Variants in ITGA7 observed in about 807,000 individuals in gnomAD.
ITGA7 encodes integrin subunit alpha 7.
ITGA7 carries 84 observed loss-of-function variants against 131.6 expected under a neutral mutation model. The observed-to-expected ratio is 0.64, with a 90% CI of 0.54 to 0.77. ITGA7 has a LOEUF of 0.77. ITGA7 is among the 30% of genes least tolerant of loss of function. The probability of loss-of-function intolerance (pLI) is 0.00; values close to 1 mark genes in which losing one functional copy is unlikely to be tolerated. For missense variants in ITGA7, 1,399 were observed against 1,482.9 expected, an observed-to-expected ratio of 0.94 and a Z score of 0.93; for synonymous variants, 548 against 600.7, an observed-to-expected ratio of 0.91 and a Z score of 1.28.
At chr12:55,715,481 C>G (rs974697691), upstream of ITGA7, among the ~76,000 whole-genome samples, 2 of 152,222 alleles carry the variant, frequency 1.3e-5, no homozygotes, top group South Asian at 2.1e-4. Context: ...ACAGCACTTA[C>G]GCTTCTGCTA....
chr12:55,695,199 C>T, intron 14 of ITGA7: 1 of 603,666 alleles, frequency 1.7e-6, no homozygotes, highest in South Asian at 2.0e-5. Context: ...GTAACTTAAC[C>T]TCTCTAGGCT....
chr12:55,700,531 T>A, intron 4 of ITGA7: 2 of 1,030,146 alleles, frequency 1.9e-6, no homozygotes, highest in Non-Finnish European at 2.8e-6. Context: ...CAACCCAGGC[T>A]TCCTGGGGTC....
upstream of ITGA7, among the ~76,000 whole-genome samples, chr12:55,710,366 GA>G (rs374869765): frequency 8.5e-4 from 117 of 138,178 alleles, 1 homozygote; most frequent in African/African-American, 3.0e-3. Flanking sequence ...CAGAAAAAAA[GA>G]AAAAAAAAAG....
chr12:55,693,981 G>A (rs1451627773), intron 19 of ITGA7, 40 bp downstream of exon 19: 7 of 1,502,160 alleles, frequency 4.7e-6, no homozygotes, highest in South Asian at 1.2e-5. Context: ...GTGCCAAGGA[G>A]GGAGGGTGAC....
chr12:55,715,516 G>A (rs1876448882), upstream of ITGA7, among the ~76,000 whole-genome samples: 1 of 152,176 alleles, frequency 6.6e-6, no homozygotes, highest in Non-Finnish European at 1.5e-5. Flanking sequence ...TCGCATTCCT[G>A]ACCACAAAAG....
At chr12:55,695,080 AC>A in intron 14 of ITGA7, 110 bp from the exon 15 acceptor site, 1 of 1,080,388 alleles carries the variant, frequency 9.3e-7, no homozygotes, top group East Asian at 2.6e-5. Flanking sequence ...CTCTCTTCCC[AC>A]CCCAGGTCCC....
chr12:55,691,944 G>A (rs771799057), intron 21 of ITGA7, among the ~76,000 whole-genome samples: 2 of 151,964 alleles, frequency 1.3e-5, no homozygotes, highest in Non-Finnish European at 2.9e-5. Flanking sequence ...TTCTCACTGC[G>A]AGCCCCATCC....
chr12:55,694,345 G>A lies in ITGA7; in HGVS notation c.2358-15C>T, dbSNP rs1872144060. The A allele has an allele frequency of 1.2e-6, 2 of 1,613,690 alleles. No homozygotes were observed. The highest frequency in any genetic ancestry group is 1.1e-5 in the South Asian group (1 of 91,084). Reference sequence around the variant, plus strand: ...GCTCACTGATCCTGGTGAGTGGGCAGGGGCAAGTATGGGCATCAGGCACAG... The same window carrying A: ...GCTCACTGATCCTGGTGAGTGGGCAAGGGCAAGTATGGGCATCAGGCACAG... On this transcript the variant is annotated splice_polypyrimidine_tract_variant and intron_variant, in intron 17 of 24. Transcript: ENST00000257879. The surrounding 1 kb of genome is among the most constrained non-coding windows in gnomAD (Gnocchi z 5.3).
intron 2 of ITGA7, 31 bp from the exon 3 acceptor site, chr12:55,702,982 G>A (rs1387825992): frequency 6.2e-7 from 1 of 1,613,258 alleles, no homozygotes; most frequent in Middle Eastern, 1.6e-4. Context: ...ATTAGGGGAG[G>A]GAAGAGGAGC....
intron 5 of ITGA7, chr12:55,699,411 A>AG (rs936993828): frequency 7.1e-6 from 2 of 281,518 alleles, no homozygotes. Context: ...GGGGGAGACA[A>AG]GGGGGAGTGA....
intron 12 of ITGA7, 49 bp downstream of exon 12, chr12:55,696,850 A>G (rs749126375): frequency 6.2e-7 from 1 of 1,603,116 alleles, no homozygotes; most frequent in Admixed American, 1.7e-5. Context: ...CAGGGAAAAG[A>G]GATGGAGCCA....
At chr12:55,700,011 A>G (rs374364640) in intron 4 of ITGA7, 22 bp from the exon 5 acceptor site, 25 of 1,613,536 alleles carry the variant, frequency 1.5e-5, no homozygotes, top group Non-Finnish European at 2.0e-5. Context: ...GGGGTGAGAC[A>G]CCAGGGAGGG....
At position 55,697,037 on chromosome 12, in the gene ITGA7, G is replaced by A; in HGVS notation, c.1599C>T (p.Asp533=). 2 of 1,614,054 alleles carry A rather than the reference G, an allele frequency of 1.2e-6. No homozygotes were observed. Among genetic ancestry groups the A allele is most frequent in the Non-Finnish European group, 1.7e-6 (2 of 1,180,006 alleles). Reference sequence around the variant, plus strand: ...GGGGAACCTGGCCCCGGAGCCTCCGGTCTGTGTCCGCATCTAACACATAGT... The same window carrying A: ...GGGGAACCTGGCCCCGGAGCCTCCGATCTGTGTCCGCATCTAACACATAGT... ...ALDYVLDADT[D]RRLRGQVPRV... is the part of the protein sequence containing the mutation. Residue 533 remains aspartate, a synonymous_variant, in exon 12 of 25, where the codon GAC becomes GAT. Coordinates refer to ENST00000257879, the MANE Select transcript of ITGA7 (RefSeq NM_002206.3).
At position 55,692,912 on chromosome 12, in the gene ITGA7, C is replaced by T. The variant is rs150845966; in HGVS notation, c.2776G>A (p.Glu926Lys). ...LEPPEQQEPG[E>K]RQEPSMSWWP... Reference sequence around the variant, plus strand: ...CAGGACATGCTGGGCTCCTGCCGCTCACCAGGCTCCTGCTGCTCAGGTGGC... The same window carrying T: ...CAGGACATGCTGGGCTCCTGCCGCTTACCAGGCTCCTGCTGCTCAGGTGGC... Residue 926 changes from glutamate (E) to lysine (K), a missense_variant, in exon 21 of 25, where the codon GAG (glutamate) becomes AAG (lysine). Glu to Lys is a moderately conservative substitution (Grantham distance 56). Transcript: ENST00000257879. 6.2e-7 allele frequency: 1 copy of T among 1,614,168 alleles called. No individual in the cohort carries two copies. Among genetic ancestry groups the T allele is most frequent in the Non-Finnish European group, 8.5e-7 (1 of 1,180,042 alleles).
intron 5 of ITGA7, chr12:55,699,545 C>T (rs1426679548): frequency 7.2e-6 from 3 of 417,170 alleles, no homozygotes; most frequent in Non-Finnish European, 1.3e-5. Flanking sequence ...TATGTGCCCA[C>T]CATCCATCCC....
chr12:55,689,005 C>T, intron 21 of ITGA7, 48 bp from the exon 22 acceptor site: 1 of 1,395,974 alleles, frequency 7.2e-7, no homozygotes. Flanking sequence ...CTCAACCCTG[C>T]TGAGACTGCC....
chr12:55,696,773 G>A (rs572094498), intron 12 of ITGA7, 126 bp downstream of exon 12: 10 of 1,077,280 alleles, frequency 9.3e-6, no homozygotes, highest in African/African-American at 1.6e-5. Flanking sequence ...CAGAAGACAG[G>A]TTTCCCACGT....
chr12:55,707,436 TG>T lies in ITGA7; in HGVS notation c.206+40del, dbSNP rs765675107. On this transcript the variant is annotated intron_variant, in intron 1 of 24. Transcript: ENST00000257879. ...ACAGAGTGGGGAGGGGGACGATCTGTGGCTCGGGCATGGCGACTCTGGGCGG... is the reference window on the plus strand; with the variant it reads ...ACAGAGTGGGGAGGGGGACGATCTGTGCTCGGGCATGGCGACTCTGGGCGG... 17 of 1,527,112 alleles carry T rather than the reference TG, an allele frequency of 1.1e-5. No individual in the cohort carries two copies. In the East Asian group the frequency reaches 3.6e-4, roughly 32 times the overall value. The allele number at this position is 1,527,112 out of a possible 1,614,324, so 94.6% of individuals were successfully genotyped here. A position where few individuals can be genotyped will look rare whatever the true frequency, so the allele number is the denominator to read the frequency against.
At chr12:55,701,975 G>A (rs1874119371) in intron 3 of ITGA7, among the ~76,000 whole-genome samples, 1 of 146,386 alleles carries the variant, frequency 6.8e-6, no homozygotes, top group Non-Finnish European at 1.5e-5. Flanking sequence ...CTGAAAGATA[G>A]AGAGAGAGAG....
Sources: gnomAD v4.1 joint callset for allele counts (sites outside exome capture counted in the v4.1 genomes callset) on GRCh38, gnomAD v4.1.1 for gene constraint, Gnocchi (gnomAD v3.1) non-coding constraint, MANE v1.5 for transcripts, NCBI Gene and HGNC (gene_info 2026-07-23, HGNC 2026-07-21) for gene names.